KCTD1: variants seen among roughly 807,000 people sequenced by gnomAD.
The protein encoded by KCTD1 is potassium channel tetramerization domain containing 1, also known as BTB/POZ domain-containing protein KCTD1.
A neutral mutation model predicts 66.0 loss-of-function variants in KCTD1; 24 were observed. The observed-to-expected ratio is 0.36, with a 90% CI of 0.26 to 0.51. KCTD1 has a LOEUF of 0.51. KCTD1 is among the 20% of genes least tolerant of loss of function. The pLI is 0.95. For synonymous variants in KCTD1, 511 were observed against 517.2 expected (o/e 0.99, Z 0.16); for missense variants, 943 against 1,205.2 (o/e 0.78, Z 3.22).
intron 1 of KCTD1, among the ~76,000 whole-genome samples, chr18:26,605,251 C>A (rs1598963304): frequency 6.6e-6 from 1 of 152,160 alleles, no homozygotes; most frequent in South Asian, 2.1e-4. Context: ...GGGCTGTCTA[C>A]AATCGAGGGT....
At chr18:26,558,752 T>A (rs1015443724) in intron 1 of KCTD1, among the ~76,000 whole-genome samples, 7 of 151,908 alleles carry the variant, frequency 4.6e-5, no homozygotes, top group African/African-American at 1.7e-4. Context: ...TGAAACCCCG[T>A]CTCTACTAAA....
chr18:26,520,066 C>T (rs1983839769), intron 1 of KCTD1, among the ~76,000 whole-genome samples: 2 of 152,296 alleles, frequency 1.3e-5, no homozygotes, highest in South Asian at 4.1e-4. Context: ...TCCCGTAACA[C>T]AGGACTATAT....
intron 1 of KCTD1, chr18:26,544,365 A>G (rs1321556310): frequency 1.3e-5 from 2 of 152,256 alleles, no homozygotes; most frequent in African/African-American, 4.8e-5. Flanking sequence ...AAAAAGAGTA[A>G]ATGCATTTAA....
intron 1 of KCTD1, among the ~76,000 whole-genome samples, chr18:26,645,722 C>T (rs1011908317): frequency 2.0e-5 from 3 of 152,120 alleles, no homozygotes; most frequent in African/African-American, 7.2e-5. Flanking sequence ...TTATTTCCCT[C>T]CAGGAGCATC....
At chr18:26,573,044 CAG>C (rs1264145821) in intron 1 of KCTD1, among the ~76,000 whole-genome samples, 7 of 148,246 alleles carry the variant, frequency 4.7e-5, no homozygotes, top group Non-Finnish European at 7.4e-5. Context: ...TTTTTTGAGA[CAG>C]AGTCTCGCTC....
At chr18:26,504,978 C>T (rs1197789434) in intron 1 of KCTD1, among the ~76,000 whole-genome samples, 2 of 152,224 alleles carry the variant, frequency 1.3e-5, no homozygotes, top group Admixed American at 6.5e-5. Flanking sequence ...TGGAAGGAAG[C>T]CAGGTCCTCG....
At chr18:26,609,098 T>A (rs940866063) in intron 1 of KCTD1, among the ~76,000 whole-genome samples, 1 of 150,298 alleles carries the variant, frequency 6.7e-6, no homozygotes, top group African/African-American at 2.4e-5. Context: ...ATTTATAGGA[T>A]AAATCTCTGG....
At position 26,459,823 on chromosome 18, in the gene KCTD1, T is replaced by C. The variant is rs777113727; in HGVS notation, c.2236A>G (p.Arg746Gly). 1 of 1,614,186 alleles carries C rather than the reference T, an allele frequency of 6.2e-7. No individual in the cohort carries two copies. The highest frequency in any genetic ancestry group is 8.5e-7 in the Non-Finnish European group (1 of 1,180,018). Residue 746 changes from arginine (R) to glycine (G), a missense_variant, in exon 4 of 5, where the codon AGG becomes GGG. Transcript: ENST00000580059. ...KQDRETGRFS[R>G]PCECLVVRVA... is the part of the protein sequence containing the mutation. ...CGCACGACGAGGCACTCACAGGGCC[T>C]TGAAAATCGACCAGTTTCTCTGTCC...
intron 1 of KCTD1, among the ~76,000 whole-genome samples, chr18:26,601,995 G>T (rs1410782494): frequency 6.6e-6 from 1 of 151,670 alleles, no homozygotes; most frequent in East Asian, 1.9e-4. Flanking sequence ...TTGCCTAATT[G>T]CCCTTACCAG....
rs1985375226 is a variant in KCTD1, at chr18:26,548,408, GC to G, written c.128del (p.Arg43ProfsTer29). 1 of 1,430,174 alleles carries G rather than the reference GC, an allele frequency of 7.0e-7. No individual in the cohort carries two copies. The highest frequency in any genetic ancestry group is 9.2e-7 in the Non-Finnish European group (1 of 1,089,728). The allele number at this position is 1,430,174 out of a possible 1,614,324, so 88.6% of individuals were successfully genotyped here. ...EGERGAGGRG[R>X]RHSRPHYCSA... ...TGCAGTAGTGCGGACGGCTGTGGCG[GC>G]GGCCGCGGCCCCCCGCGCCGCGCTC... On this transcript the variant is annotated frameshift_variant, in exon 1 of 5. Coordinates refer to ENST00000580059, the MANE Select transcript of KCTD1 (RefSeq NM_001142730.3). LOFTEE classifies it high-confidence loss of function.
intron 1 of KCTD1, among the ~76,000 whole-genome samples, chr18:26,610,274 T>C (rs1598965495): frequency 6.6e-6 from 1 of 152,282 alleles, no homozygotes; most frequent in East Asian, 1.9e-4. Flanking sequence ...GTCCCATTTG[T>C]TGAAAAGACT....
intron 1 of KCTD1, among the ~76,000 whole-genome samples, chr18:26,586,206 G>A (rs1341932305): frequency 1.3e-5 from 2 of 152,154 alleles, no homozygotes; most frequent in East Asian, 1.9e-4. Flanking sequence ...TGCTCACTTT[G>A]TATCTTTGTG....
chr18:26,616,850 C>T lies in KCTD1; in HGVS notation c.-16+12297G>A, dbSNP rs150241354. On this transcript the variant is annotated intron_variant, in intron 1 of 4. Coordinates refer to the KCTD1 transcript ENST00000317932. ...TTACTTGTAATGCAATCTAGACTTA[C>T]TTTGCTAATCCACTCTCCTGGTGAT... 8.7e-3 allele frequency among the ~76,000 whole-genome samples: 1,332 copies of T among 152,322 alleles called. 24 individuals are homozygous for T. Among genetic ancestry groups the T allele is most frequent in the African/African-American group, 0.031 (1,270 of 41,570 alleles).
At chr18:26,638,706 T>C (rs1987773207) in intron 1 of KCTD1, among the ~76,000 whole-genome samples, 1 of 152,254 alleles carries the variant, frequency 6.6e-6, no homozygotes, top group South Asian at 2.1e-4. Flanking sequence ...CTCTTGGTGC[T>C]GTCTTCAACA....
At chr18:26,540,924 G>A (rs1260250626) in intron 1 of KCTD1, among the ~76,000 whole-genome samples, 1 of 152,158 alleles carries the variant, frequency 6.6e-6, no homozygotes, top group Non-Finnish European at 1.5e-5. Context: ...GTAATTCAGG[G>A]TGTGAATGAG....
chr18:26,635,550 G>A (rs1012605468), intron 1 of KCTD1, among the ~76,000 whole-genome samples: 4 of 152,160 alleles, frequency 2.6e-5, no homozygotes, highest in African/African-American at 9.7e-5. Context: ...ACCCCTCTCT[G>A]CCGTTCTGAG....
At chr18:26,463,693 C>T (rs963661639) in intron 3 of KCTD1, among the ~76,000 whole-genome samples, 19 of 152,264 alleles carry the variant, frequency 1.2e-4, no homozygotes, top group East Asian at 7.7e-4. Context: ...CCCACCACTA[C>T]GCCCGGCTAA....
intron 1 of KCTD1, among the ~76,000 whole-genome samples, chr18:26,522,955 C>T (rs1983983726): frequency 2.0e-5 from 3 of 152,148 alleles, no homozygotes; most frequent in Admixed American, 2.0e-4. Flanking sequence ...GTATACTGCT[C>T]CATGAATCTG....
chr18:26,476,552 A>G lies in KCTD1; in HGVS notation c.2096T>C (p.Leu699Pro). 1 of 1,613,568 alleles carries G rather than the reference A, an allele frequency of 6.2e-7. No homozygotes were observed. Among genetic ancestry groups the G allele is most frequent in the East Asian group, 2.2e-5 (1 of 44,868 alleles). ...AGGAATGAGGAGTTTGGATGTTCGT[A>G]GAAAATTCAAGATATATCTGAACAT... ...GQMFRYILNF[L>P]RTSKLLIPDD... The change falls in exon 3 of 5, where the codon CTA becomes CCA. Residue 699 changes from leucine (L) to proline (P), a missense_variant. Physicochemically the swap from Leu to Pro is moderately conservative, Grantham distance 98. Around this residue, in one of 10 missense-constraint regions of KCTD1, gnomAD observed 162 missense variants for 232.4 expected, o/e 0.70. Coordinates refer to ENST00000580059, the MANE Select transcript of KCTD1 (RefSeq NM_001142730.3). The surrounding 1 kb of genome is among the most constrained non-coding windows in gnomAD (Gnocchi z 4.9).
Sources: gnomAD v4.1 joint callset for allele counts (sites outside exome capture counted in the v4.1 genomes callset) on GRCh38, gnomAD v4.1.1 for gene constraint, gnomAD v4.1.1 regional missense constraint, Gnocchi (gnomAD v3.1) non-coding constraint, MANE v1.5 for transcripts, NCBI Gene and HGNC (gene_info 2026-07-23, HGNC 2026-07-21) for gene names.